Variants in AGPAT4 observed in about 807,000 individuals in gnomAD.
AGPAT4 encodes the protein 1-acylglycerol-3-phosphate O-acyltransferase 4.
In AGPAT4, 15 loss-of-function variants were observed where a neutral mutation model predicts 48.0. The ratio of observed to expected loss-of-function variants is 0.31; its 90% CI spans 0.21 to 0.48. The LOEUF (loss-of-function observed/expected upper bound fraction) is 0.48, where lower values mean the gene tolerates loss of function less well. Among genes scored for constraint, AGPAT4 ranks in the 20% least tolerant of loss-of-function variants. AGPAT4 has a pLI of 0.99. For missense variants in AGPAT4, 314 were observed against 482.5 expected (o/e 0.65, Z 3.27); for synonymous variants, 178 against 198.7 (o/e 0.90, Z 0.88).
intron 2 of AGPAT4, among the ~76,000 whole-genome samples, chr6:161,224,997 C>T (rs1781933831): frequency 6.6e-6 from 1 of 152,172 alleles, no homozygotes; most frequent in Non-Finnish European, 1.5e-5. Context: ...TCCACCCTGA[C>T]TCATTCCAAT....
chr6:161,131,117 A>G lies in AGPAT4; in HGVS notation c.*5423T>C, dbSNP rs1778887233. The G allele has an allele frequency of 3.3e-6, 1 of 306,964 alleles. No individual in the cohort carries two copies. The highest frequency in any genetic ancestry group is 3.9e-5 in the Admixed American group (1 of 25,542). The allele number at this position is 306,964 out of a possible 1,614,324, so 19.0% of individuals were successfully genotyped here. A position where few individuals can be genotyped will look rare whatever the true frequency, so the allele number is the denominator to read the frequency against. On this transcript the variant is annotated 3_prime_UTR_variant, in exon 9 of 9. Coordinates refer to ENST00000320285, the MANE Select transcript of AGPAT4 (RefSeq NM_020133.3). ...GTGCCAGAAATGTCAAAAAATATCT[A>G]GTCATTCCAATATGTAAAACAAGAC...
rs898461074 is a variant in AGPAT4 at position 161,225,002 on chromosome 6, T to C, written c.178+7034A>G. Among the ~76,000 whole-genome samples, 9 of 152,126 alleles carry C rather than the reference T, an allele frequency of 5.9e-5. No homozygotes were observed. Among genetic ancestry groups the C allele is most frequent in the African/African-American group, 2.2e-4 (9 of 41,428 alleles). ...GATTACCTGCTCCACCCTGACTCAT[T>C]CCAATTACGTGCTTCACCCTGACTC... is the stretch of plus-strand genomic sequence containing the variant. On this transcript the variant is annotated intron_variant, in intron 2 of 8. Transcript: ENST00000320285. This position sits in a 1 kb window ranked among gnomAD's most constrained non-coding sequence, Gnocchi z 5.0.
In AGPAT4 at chr6:161,130,841, C is replaced by T. The variant is rs533535203; in HGVS notation, c.*5699G>A. ...CTTTACAAGTCTGAGCCATCCCGTA[C>T]TAGTTCATCAACTTTCCTTCCTCAT... is the stretch of plus-strand genomic sequence containing the variant. On this transcript the variant is annotated 3_prime_UTR_variant, in exon 9 of 9. Coordinates refer to ENST00000320285, the MANE Select transcript of AGPAT4 (RefSeq NM_020133.3). The T allele has an allele frequency of 7.7e-6, 4 of 519,038 alleles. No individual in the cohort carries two copies. Among genetic ancestry groups the T allele is most frequent in the Admixed American group, 1.9e-5 (1 of 51,606 alleles). The allele number at this position is 519,038 out of a possible 1,614,324, so 32.2% of individuals were successfully genotyped here.
In AGPAT4 at chr6:161,154,716, C is replaced by T. The variant is rs370706951; in HGVS notation, c.349-406G>A. On this transcript the variant is annotated intron_variant, in intron 3 of 8. Transcript: ENST00000320285. This position sits in a 1 kb window ranked among gnomAD's most constrained non-coding sequence, Gnocchi z 7.8. The stretch of plus-strand genomic sequence containing the variant: ...CACTAATTTGTGCACCTCTTTTCTG[C>T]AGATCTCACTGAGTTTTGTGATATT... 6.6e-6 allele frequency among the ~76,000 whole-genome samples: 1 copy of T among 152,246 alleles called. No individual in the cohort carries two copies. Among genetic ancestry groups the T allele is most frequent in the Non-Finnish European group, 1.5e-5 (1 of 68,052 alleles).
rs962675588 is a variant in AGPAT4, at chr6:161,236,431, T to A, written c.-89-4129A>T. Among the ~76,000 whole-genome samples, 37 of 152,260 alleles carry A rather than the reference T, an allele frequency of 2.4e-4. No homozygotes were observed. The highest frequency in any genetic ancestry group is 8.7e-4 in the African/African-American group (36 of 41,550). Reference sequence around the variant, plus strand: ...TGAGCTCAGAAGCAGCGTTTAACCTTTACTTTTTCCTGAAATTCACCCCAT... The same window carrying A: ...TGAGCTCAGAAGCAGCGTTTAACCTATACTTTTTCCTGAAATTCACCCCAT... On this transcript the variant is annotated intron_variant, in intron 1 of 8. Coordinates refer to ENST00000320285, the MANE Select transcript of AGPAT4 (RefSeq NM_020133.3). This position sits in a 1 kb window ranked among gnomAD's most constrained non-coding sequence, Gnocchi z 5.0.
At position 161,169,627 on chromosome 6, in the gene AGPAT4, C is replaced by T. The variant is rs549822664; in HGVS notation, c.179-3210G>A. Among the ~76,000 whole-genome samples, 37 of 152,242 alleles carry T rather than the reference C, an allele frequency of 2.4e-4. No homozygotes were observed. Among genetic ancestry groups the T allele is most frequent in the African/African-American group, 8.4e-4 (35 of 41,550 alleles). On this transcript the variant is annotated intron_variant, in intron 2 of 8. Coordinates refer to ENST00000320285, the MANE Select transcript of AGPAT4 (RefSeq NM_020133.3). This position sits in a 1 kb window ranked among gnomAD's most constrained non-coding sequence, Gnocchi z 5.0. ...CTGGGATTATAGGCATGAGCCACCA[C>T]GACTAGCCCATTTTCTTAATCAAAT...
In AGPAT4 at chr6:161,245,531, T is replaced by C. The variant is rs1345712142; in HGVS notation, c.-89-13229A>G. On this transcript the variant is annotated intron_variant, in intron 1 of 8. Transcript: ENST00000320285. The surrounding 1 kb of genome is among the most constrained non-coding windows in gnomAD (Gnocchi z 5.2). The stretch of plus-strand genomic sequence containing the variant: ...CAGAGGAAGCACTCTGCTGCCTCTA[T>C]AGTGGCCACAGGAGCTTACTTTTTG... 2.0e-5 allele frequency among the ~76,000 whole-genome samples: 3 copies of C among 152,164 alleles called. 1 individual carries two copies. Among genetic ancestry groups the C allele is most frequent in the Admixed American group, 1.3e-4 (2 of 15,270 alleles).
rs1175273772 is a variant in AGPAT4 at position 161,132,292 on chromosome 6, C to T, written c.*4248G>A. 2 of 152,228 alleles carry T rather than the reference C, an allele frequency of 1.3e-5. No individual in the cohort carries two copies. The highest frequency in any genetic ancestry group is 2.9e-5 in the Non-Finnish European group (2 of 68,048). 9.4% of individuals were successfully genotyped at this position (152,228 alleles called of 1,614,324 possible). A position where few individuals can be genotyped will look rare whatever the true frequency, so the allele number is the denominator to read the frequency against. On this transcript the variant is annotated 3_prime_UTR_variant, in exon 9 of 9. Coordinates refer to ENST00000320285, the MANE Select transcript of AGPAT4 (RefSeq NM_020133.3). The stretch of plus-strand genomic sequence containing the variant: ...TGAGATGAAACCAATTTCTTGTCCA[C>T]ACAGCCACCATATCCTTATATAGAT...
Position 161,240,052 on chromosome 6 carries a change from A to C in AGPAT4, c.-89-7750T>G, listed in dbSNP as rs1398578577. Among the ~76,000 whole-genome samples the C allele has an allele frequency of 3.3e-5, 5 of 152,200 alleles. No individual in the cohort carries two copies. ...GAATTATGGAAGACCCACCAAATGG[A>C]ATAGGTGAAGTGTCACTAAAATAGG... is the stretch of plus-strand genomic sequence containing the variant. On this transcript the variant is annotated intron_variant, in intron 1 of 8. Coordinates refer to ENST00000320285, the MANE Select transcript of AGPAT4 (RefSeq NM_020133.3). This position sits in a 1 kb window ranked among gnomAD's most constrained non-coding sequence, Gnocchi z 5.5.
intron 1 of AGPAT4, among the ~76,000 whole-genome samples, chr6:161,248,874 A>G (rs1206959974): frequency 6.6e-6 from 1 of 152,184 alleles, no homozygotes; most frequent in Non-Finnish European, 1.5e-5. Flanking sequence ...GCCTAAGCAA[A>G]AAGAACAAAG....
chr6:161,268,289 T>C (rs747558037), intron 1 of AGPAT4, among the ~76,000 whole-genome samples: 3 of 152,204 alleles, frequency 2.0e-5, no homozygotes, highest in Non-Finnish European at 4.4e-5. Context: ...CCTCTGCAGG[T>C]TACCTGGCAT....
chr6:161,149,369 C>T lies in AGPAT4; in HGVS notation c.665-80G>A, dbSNP rs919977499. On this transcript the variant is annotated intron_variant, in intron 5 of 8. Coordinates refer to ENST00000320285, the MANE Select transcript of AGPAT4 (RefSeq NM_020133.3). The surrounding 1 kb of genome is among the most constrained non-coding windows in gnomAD (Gnocchi z 6.5). The stretch of plus-strand genomic sequence containing the variant: ...TTCTGTAGATACACACATTGGAAGA[C>T]AATAATCAAATGGCTAACTGCTTAT... 3 of 1,267,188 alleles carry T rather than the reference C, an allele frequency of 2.4e-6. No homozygotes were observed. Among genetic ancestry groups the T allele is most frequent in the Non-Finnish European group, 3.2e-6 (3 of 938,696 alleles). 78.5% of individuals were successfully genotyped at this position (1,267,188 alleles called of 1,614,324 possible).
Position 161,267,236 on chromosome 6 carries a change from C to G in AGPAT4, c.-90+6702G>C, listed in dbSNP as rs550484505. Among the ~76,000 whole-genome samples, 3 of 152,308 alleles carry G rather than the reference C, an allele frequency of 2.0e-5. No homozygotes were observed. Among genetic ancestry groups the G allele is most frequent in the Admixed American group, 1.3e-4 (2 of 15,300 alleles). ...CTTTCCCTTCTCCCACCATCTCTGG[C>G]TAAACCATAATAAAAACAACACTCC... On this transcript the variant is annotated intron_variant, in intron 1 of 8. Transcript: ENST00000320285. The surrounding 1 kb of genome is among the most constrained non-coding windows in gnomAD (Gnocchi z 5.2).
In AGPAT4 at chr6:161,147,444, A is replaced by G. The variant is rs1031062773; in HGVS notation, c.768-845T>C. On this transcript the variant is annotated intron_variant, in intron 6 of 8. Transcript: ENST00000320285. The surrounding 1 kb of genome is among the most constrained non-coding windows in gnomAD (Gnocchi z 4.8). ...CATGTCAAAGTCTGCATCTGGCTTG[A>G]TTTCTCAGGTCACTTCACTCCCTTC... Among the ~76,000 whole-genome samples, 2 of 152,146 alleles carry G rather than the reference A, an allele frequency of 1.3e-5. No homozygotes were observed. Among genetic ancestry groups the G allele is most frequent in the Admixed American group, 6.5e-5 (1 of 15,282 alleles).
Position 161,159,461 on chromosome 6 carries a change from T to G in AGPAT4, c.349-5151A>C, listed in dbSNP as rs1319979331. Among the ~76,000 whole-genome samples the G allele has an allele frequency of 1.3e-5, 2 of 152,150 alleles. No individual in the cohort carries two copies. The highest frequency in any genetic ancestry group is 6.5e-5 in the Admixed American group (1 of 15,276). On this transcript the variant is annotated intron_variant, in intron 3 of 8. Coordinates refer to ENST00000320285, the MANE Select transcript of AGPAT4 (RefSeq NM_020133.3). The surrounding 1 kb of genome is among the most constrained non-coding windows in gnomAD (Gnocchi z 4.1). ...CACTTCTGCCACTAAACTCTGCCAG[T>G]AAGTTGTTGTACAGACCCCTTCTGG...
At position 161,166,450 on chromosome 6, in the gene AGPAT4, A is replaced by G; in HGVS notation, c.179-33T>C. On this transcript the variant is annotated intron_variant, in intron 2 of 8. Coordinates refer to ENST00000320285, the MANE Select transcript of AGPAT4 (RefSeq NM_020133.3). The surrounding 1 kb of genome is among the most constrained non-coding windows in gnomAD (Gnocchi z 6.7). ...AAACCACAACAGACAGATGTTTACT[A>G]CATGCAGCCTTGTCCTGGGAGCCCT... is the stretch of plus-strand genomic sequence containing the variant. 2 of 1,569,232 alleles carry G rather than the reference A, an allele frequency of 1.3e-6. No individual in the cohort carries two copies. The highest frequency in any genetic ancestry group is 1.7e-6 in the Non-Finnish European group (2 of 1,156,324).
Position 161,272,951 on chromosome 6 carries a change from T to A in AGPAT4, c.-90+987A>T, listed in dbSNP as rs1783471826. On this transcript the variant is annotated intron_variant, in intron 1 of 8. Transcript: ENST00000320285. The surrounding 1 kb of genome is among the most constrained non-coding windows in gnomAD (Gnocchi z 4.2). ...AATTTGTTACTCATACTTGTTGAAC[T>A]TAAGATTTGGAGCTAAATAAGTGCA... Among the ~76,000 whole-genome samples the A allele has an allele frequency of 6.6e-6, 1 of 152,206 alleles. No individual in the cohort carries two copies. The highest frequency in any genetic ancestry group is 1.5e-5 in the Non-Finnish European group (1 of 68,048).
chr6:161,252,931 T>A (rs2115054447), intron 1 of AGPAT4, among the ~76,000 whole-genome samples: 1 of 152,150 alleles, frequency 6.6e-6, no homozygotes, highest in Admixed American at 6.5e-5. Flanking sequence ...AAAATGTATA[T>A]GAGTCTGGGA....
Position 161,259,667 on chromosome 6 carries a change from C to T in AGPAT4, c.-90+14271G>A, listed in dbSNP as rs1783044357. Among the ~76,000 whole-genome samples, 2 of 152,158 alleles carry T rather than the reference C, an allele frequency of 1.3e-5. No homozygotes were observed. Among genetic ancestry groups the T allele is most frequent in the South Asian group, 4.1e-4 (2 of 4,824 alleles). On this transcript the variant is annotated intron_variant, in intron 1 of 8. Transcript: ENST00000320285. The surrounding 1 kb of genome is among the most constrained non-coding windows in gnomAD (Gnocchi z 4.9). ...AAGGGAGAGCAGAGCCTTACCCCAACTGTGGGGTCCCAGGTCACCGCACAG... is the reference window on the plus strand; with the variant it reads ...AAGGGAGAGCAGAGCCTTACCCCAATTGTGGGGTCCCAGGTCACCGCACAG...
Sources: allele counts gnomAD v4.1 joint callset (sites outside exome capture counted in the v4.1 genomes callset), GRCh38; gene constraint gnomAD v4.1.1; non-coding constraint Gnocchi (gnomAD v3.1); transcripts MANE v1.5; gene names NCBI Gene and HGNC (gene_info 2026-07-23, HGNC 2026-07-21).